AMTN: variants seen among roughly 807,000 people sequenced by gnomAD.
The protein encoded by AMTN is RSTI689.
A neutral mutation model predicts 27.4 loss-of-function variants in AMTN; 29 were observed. The observed-to-expected ratio is 1.06, with a 90% CI of 0.79 to 1.44. The LOEUF is 1.44. Among genes scored for constraint, AMTN ranks in the 40% most tolerant of loss-of-function variants. The probability of loss-of-function intolerance (pLI) is 0.00; values close to 1 mark genes in which losing one functional copy is unlikely to be tolerated. For synonymous variants in AMTN, 86 were observed against 95.7 expected, an observed-to-expected ratio of 0.90 and a Z score of 0.59; for missense variants, 247 against 248.8, an observed-to-expected ratio of 0.99 and a Z score of 0.05.
chr4:70,521,181 C>T (rs1226225107), intron 2 of AMTN, among the ~76,000 whole-genome samples: 1 of 152,036 alleles, frequency 6.6e-6, no homozygotes, highest in Non-Finnish European at 1.5e-5. Flanking sequence ...GAGTTCAAGA[C>T]CAGCCTGACC....
At position 70,518,656 on chromosome 4, in the gene AMTN, T is replaced by C; in HGVS notation, c.-16+2T>C. 1 of 785,376 alleles carries C rather than the reference T, an allele frequency of 1.3e-6. No individual in the cohort carries two copies. The highest frequency in any genetic ancestry group is 1.6e-5 in the South Asian group (1 of 63,520). The allele number at this position is 785,376 out of a possible 1,614,324, so 48.7% of individuals were successfully genotyped here. A position where few individuals can be genotyped will look rare whatever the true frequency, so the allele number is the denominator to read the frequency against. ...ACATTTTGCCTCGTGGACCCAAAGG[T>C]AACATTAATTGACCATGTTTCAAGT... On this transcript the variant is annotated splice_donor_variant, in intron 1 of 8. Transcript: ENST00000339336. LOFTEE classifies it low-confidence loss of function (5UTR_SPLICE).
intron 6 of AMTN, among the ~76,000 whole-genome samples, chr4:70,528,974 C>T (rs1472535257): frequency 6.6e-6 from 1 of 152,178 alleles, no homozygotes; most frequent in Non-Finnish European, 1.5e-5. Flanking sequence ...GAGATTAACT[C>T]ATTACTCAAA....
intron 7 of AMTN, 25 bp downstream of exon 7, chr4:70,529,235 C>T: frequency 6.7e-7 from 1 of 1,500,772 alleles, no homozygotes; most frequent in Non-Finnish European, 8.9e-7. Flanking sequence ...AATACTATTT[C>T]AAATTATTTT....
At chr4:70,524,725 G>A in intron 4 of AMTN, 147 bp from the exon 5 acceptor site, 1 of 736,242 alleles carries the variant, frequency 1.4e-6, no homozygotes, top group South Asian at 1.7e-5. Context: ...TCATCTTTGT[G>A]TCTAAGTATA....
chr4:70,522,327 G>A (rs114311201), intron 2 of AMTN, among the ~76,000 whole-genome samples: 4,062 of 143,854 alleles, frequency 0.028, 182 homozygotes, highest in African/African-American at 0.1. Flanking sequence ...TTACAAGACC[G>A]ATGTGGCAGG....
intron 4 of AMTN, among the ~76,000 whole-genome samples, 175 bp from the exon 5 acceptor site, chr4:70,524,697 T>C (rs1300309735): frequency 6.6e-6 from 1 of 152,228 alleles, no homozygotes; most frequent in African/African-American, 2.4e-5. Flanking sequence ...ACAAGCAGAC[T>C]AAATAAGTCT....
At position 70,526,150 on chromosome 4, in the gene AMTN, T is replaced by A. The variant is rs977046890; in HGVS notation, c.294+1189T>A. ...AGCAAAAAATAAAATAAAATTCACT[T>A]GGAATCTCATTAGCCATAATCAAAC... On this transcript the variant is annotated intron_variant, in intron 5 of 8. Coordinates refer to ENST00000339336, the MANE Select transcript of AMTN (RefSeq NM_212557.4). Among the ~76,000 whole-genome samples, 7 of 152,296 alleles carry A rather than the reference T, an allele frequency of 4.6e-5. No homozygotes were observed. The South Asian group carries it at 1.0e-3, about 23-fold the overall frequency.
intron 5 of AMTN, among the ~76,000 whole-genome samples, chr4:70,526,317 T>C (rs1173286101): frequency 1.3e-5 from 2 of 152,206 alleles, no homozygotes; most frequent in African/African-American, 4.8e-5. Context: ...TGTTTTAAAA[T>C]ATTCACTCAC....
Position 70,522,797 on chromosome 4 carries a change from C to T in AMTN, c.97C>T (p.Pro33Ser). 6.2e-7 allele frequency: 1 copy of T among 1,614,044 alleles called. No individual in the cohort carries two copies. Among genetic ancestry groups the T allele is most frequent in the Non-Finnish European group, 8.5e-7 (1 of 1,179,926 alleles). Residue 33 changes from proline (P) to serine (S), a missense_variant, in exon 3 of 9, where the codon CCG becomes TCG. Coordinates refer to ENST00000339336, the MANE Select transcript of AMTN (RefSeq NM_212557.4). ...GGGACTCCCTCCCACAAAACTGGCT[C>T]CGGATCAGGGAACACTACCAAACCA... ...ALGLPPTKLA[P>S]DQGTLPNQQQ...
chr4:70,531,490 A>T (rs1237942038), intron 8 of AMTN, among the ~76,000 whole-genome samples, 190 bp downstream of exon 8: 1 of 152,146 alleles, frequency 6.6e-6, no homozygotes, highest in East Asian at 1.9e-4. Context: ...CCAGGTATTA[A>T]CACTGAAGGA....
chr4:70,532,276 C>G (rs562624063), intron 8 of AMTN, among the ~76,000 whole-genome samples, 179 bp from the exon 9 acceptor site: 5 of 152,320 alleles, frequency 3.3e-5, no homozygotes, highest in South Asian at 2.1e-4. Flanking sequence ...TTCTTGCACC[C>G]ACAAGCAAAG....
At position 70,522,932 on chromosome 4, in the gene AMTN, T is replaced by A. The variant is rs375591289; in HGVS notation, c.138+94T>A. The A allele has an allele frequency of 8.5e-4, 1,069 of 1,255,932 alleles. 16 individuals are homozygous for A. In the South Asian group the frequency reaches 0.013, roughly 15 times the overall value. The allele number at this position is 1,255,932 out of a possible 1,614,324, so 77.8% of individuals were successfully genotyped here. A position where few individuals can be genotyped will look rare whatever the true frequency, so the allele number is the denominator to read the frequency against. On this transcript the variant is annotated intron_variant, in intron 3 of 8. Coordinates refer to ENST00000339336, the MANE Select transcript of AMTN (RefSeq NM_212557.4). The stretch of plus-strand genomic sequence containing the variant: ...AAGAAAACACGTTAAGACTGGTAGG[T>A]TTAAAATCAAAATTTACATGAAGAC...
intron 6 of AMTN, among the ~76,000 whole-genome samples, 180 bp downstream of exon 6, chr4:70,528,938 A>G (rs1350021352): frequency 6.6e-6 from 1 of 152,194 alleles, no homozygotes; most frequent in Non-Finnish European, 1.5e-5. Flanking sequence ...CCACTTAATG[A>G]TAGAAAAATA....
chr4:70,531,715 T>A (rs1049079789), intron 8 of AMTN, among the ~76,000 whole-genome samples: 13 of 152,242 alleles, frequency 8.5e-5, no homozygotes, highest in African/African-American at 3.1e-4. Flanking sequence ...TTCAACCATG[T>A]TGACCAGGCT....
At chr4:70,519,409 G>A (rs192447683) in intron 2 of AMTN, among the ~76,000 whole-genome samples, 2 of 152,266 alleles carry the variant, frequency 1.3e-5, no homozygotes, top group East Asian at 3.9e-4. Flanking sequence ...TAGACATAGG[G>A]ATGAATGGTT....
intron 6 of AMTN, 145 bp downstream of exon 6, chr4:70,528,903 T>C: frequency 1.4e-6 from 1 of 732,730 alleles, no homozygotes; most frequent in Non-Finnish European, 2.1e-6. Flanking sequence ...GCTTGCTTTC[T>C]GCATAAGTTT....
intron 5 of AMTN, among the ~76,000 whole-genome samples, chr4:70,528,046 C>T (rs576192138): frequency 1.3e-5 from 2 of 152,238 alleles, no homozygotes; most frequent in Admixed American, 6.5e-5. Context: ...AAATACCCAT[C>T]GCGTGTTTTA....
At chr4:70,524,511 G>A (rs1736053054) in intron 4 of AMTN, among the ~76,000 whole-genome samples, 1 of 152,172 alleles carries the variant, frequency 6.6e-6, no homozygotes, top group Admixed American at 6.5e-5. Context: ...ACCTAGAGGA[G>A]TTAATTTCTT....
intron 7 of AMTN, 78 bp from the exon 8 acceptor site, chr4:70,530,961 C>A: frequency 6.5e-7 from 1 of 1,540,934 alleles, no homozygotes; most frequent in Non-Finnish European, 8.8e-7. Flanking sequence ...CCATTCCTAC[C>A]CAAACTTGCT....
Sources: gnomAD v4.1 joint callset for allele counts (sites outside exome capture counted in the v4.1 genomes callset) on GRCh38, gnomAD v4.1.1 for gene constraint, MANE v1.5 for transcripts, NCBI Gene and HGNC (gene_info 2026-07-23, HGNC 2026-07-21) for gene names.